The following DOCK9 variants were observed in gnomAD, a reference collection of about 807,000 sequenced individuals.
DOCK9 encodes the protein dedicator of cytokinesis protein 9.
DOCK9 carries 89 observed loss-of-function variants against 263.3 expected under a neutral mutation model. That is an observed-to-expected ratio of 0.34 (90% CI 0.28 to 0.40). DOCK9 has a LOEUF of 0.40. Among genes scored for constraint, DOCK9 ranks in the 10% least tolerant of loss-of-function variants. The pLI is 1.00. For synonymous variants in DOCK9, 976 were observed against 973.1 expected, an observed-to-expected ratio of 1.00 and a Z score of -0.06; for missense variants, 2,140 against 2,603.4, an observed-to-expected ratio of 0.82 and a Z score of 3.87.
chr13:98,908,596 A>G (rs1294096698), intron 9 of DOCK9, among the ~76,000 whole-genome samples: 1 of 152,236 alleles, frequency 6.6e-6, no homozygotes. Context: ...CATCTATGAA[A>G]TATTTTTAAG....
intron 26 of DOCK9, 50 bp from the exon 27 acceptor site, chr13:98,880,019 T>C (rs1456496524): frequency 2.1e-6 from 3 of 1,407,544 alleles, no homozygotes; most frequent in Non-Finnish European, 2.0e-6. Context: ...AACTGGTAGG[T>C]AAGACATGAA....
chr13:99,047,973 A>T (rs2040513984), intron 1 of DOCK9, among the ~76,000 whole-genome samples: 1 of 152,102 alleles, frequency 6.6e-6, no homozygotes, highest in Non-Finnish European at 1.5e-5. Context: ...AGCTCCTAGG[A>T]GTCAAATCCT....
intron 3 of DOCK9, 31 bp from the exon 4 acceptor site, chr13:98,925,950 TA>T: frequency 2.7e-6 from 4 of 1,503,080 alleles, no homozygotes; most frequent in Non-Finnish European, 2.7e-6. Flanking sequence ...AAATAGAAAA[TA>T]AAAAACAGAA....
chr13:99,079,122 G>C (rs1232011142), intron 1 of DOCK9, among the ~76,000 whole-genome samples: 3 of 152,204 alleles, frequency 2.0e-5, no homozygotes, highest in Non-Finnish European at 2.9e-5. Context: ...ATGTCCATGT[G>C]AATGCGGCCG....
chr13:98,928,428 A>C (rs1024502146), intron 3 of DOCK9, among the ~76,000 whole-genome samples: 3 of 152,232 alleles, frequency 2.0e-5, no homozygotes, highest in African/African-American at 7.2e-5. Context: ...GAAGGGTCCC[A>C]AAAGTGTTTA....
Position 98,829,721 on chromosome 13 carries a change from A to G in DOCK9, c.4671T>C (p.Val1557=), listed in dbSNP as rs1441339807. The change falls in exon 42 of 53, where the codon GTT becomes GTC. Residue 1557 remains valine, a synonymous_variant. Coordinates refer to ENST00000682017, the MANE Select transcript of DOCK9 (RefSeq NM_001366683.2). The surrounding 1 kb of genome is among the most constrained non-coding windows in gnomAD (Gnocchi z 4.1). The part of the protein sequence containing the change: ...IISVSQLIAD[V]VGIGGTRFQQ... ...GGAATCTGGTTCCCCCAATGCCAAC[A>G]ACGTCTGCTATCAGCTGGCTGACAG... The G allele has an allele frequency of 6.2e-7, 1 of 1,610,118 alleles. No homozygotes were observed. Among genetic ancestry groups the G allele is most frequent in the Admixed American group, 1.7e-5 (1 of 59,576 alleles).
intron 1 of DOCK9, among the ~76,000 whole-genome samples, chr13:99,048,221 C>T (rs963591368): frequency 1.8e-4 from 27 of 151,400 alleles, no homozygotes; most frequent in African/African-American, 4.9e-4. Flanking sequence ...TTGTTTCTGC[C>T]GGCTCAAAGC....
At chr13:99,019,242 G>T (rs1018204239) in intron 1 of DOCK9, among the ~76,000 whole-genome samples, 5 of 152,144 alleles carry the variant, frequency 3.3e-5, no homozygotes, top group Admixed American at 1.3e-4. Flanking sequence ...GAAATATGGG[G>T]TCATTGCTAG....
chr13:99,054,639 C>T (rs1239730752), intron 1 of DOCK9, among the ~76,000 whole-genome samples: 1 of 152,228 alleles, frequency 6.6e-6, no homozygotes, highest in Non-Finnish European at 1.5e-5. Flanking sequence ...ATTGCTACTG[C>T]CCTGCCTCAA....
Position 98,990,506 on chromosome 13 carries a change from C to G in DOCK9, c.130-34955G>C, listed in dbSNP as rs190005519. On this transcript the variant is annotated intron_variant, in intron 1 of 32. Coordinates refer to the DOCK9 transcript ENST00000427887. ...CCAACAACTCATTTTGAAATAACTG[C>G]AGCACATACTACTACAGCTTATAGC... 2.6e-5 allele frequency among the ~76,000 whole-genome samples: 4 copies of G among 152,288 alleles called. No individual in the cohort carries two copies. In the East Asian group the frequency reaches 7.7e-4, roughly 29 times the overall value.
At position 98,809,240 on chromosome 13, in the gene DOCK9, C is replaced by A. The variant is rs376006443; in HGVS notation, c.5367+112G>T. The A allele has an allele frequency of 2.8e-5, 34 of 1,229,886 alleles. 1 individual carries two copies. The highest frequency in any genetic ancestry group is 7.3e-5 in the Admixed American group (3 of 40,968). 76.2% of individuals were successfully genotyped at this position (1,229,886 alleles called of 1,614,324 possible). On this transcript the variant is annotated intron_variant, in intron 47 of 52. Coordinates refer to ENST00000682017, the MANE Select transcript of DOCK9 (RefSeq NM_001366683.2). ...GACAAATTCATCAAATTAGCAATTA[C>A]AGAAAACAGAGAATTTATAAGATAT...
intron 1 of DOCK9, among the ~76,000 whole-genome samples, chr13:99,052,374 C>T (rs1017089719): frequency 3.9e-5 from 6 of 152,130 alleles, no homozygotes; most frequent in African/African-American, 1.2e-4. Context: ...TCCCTGACCT[C>T]AGCTCCCCAT....
At position 98,942,064 on chromosome 13, in the gene DOCK9, A is replaced by G. The variant is rs1247908584; in HGVS notation, c.244-11807T>C. 8.5e-5 allele frequency among the ~76,000 whole-genome samples: 13 copies of G among 152,324 alleles called. No individual in the cohort carries two copies. The East Asian group carries it at 2.5e-3, about 29-fold the overall frequency. On this transcript the variant is annotated intron_variant, in intron 2 of 52. Transcript: ENST00000682017. ...GACCTGAGTTAAAACCCCTGTGGAC[A>G]TACGACTAAATCTTGGGTCCTGTCA...
chr13:99,073,015 G>A (rs936701390), intron 1 of DOCK9, among the ~76,000 whole-genome samples: 3 of 152,000 alleles, frequency 2.0e-5, no homozygotes, highest in Non-Finnish European at 4.4e-5. Flanking sequence ...AAGAATTCCA[G>A]GAATTGGCCA....
chr13:98,910,454 A>G (rs1389167836), intron 9 of DOCK9, among the ~76,000 whole-genome samples: 1 of 152,238 alleles, frequency 6.6e-6, no homozygotes, highest in Non-Finnish European at 1.5e-5. Flanking sequence ...ATGTACAAAC[A>G]TAAGCTCCAA....
At chr13:98,860,301 C>A in intron 33 of DOCK9, 104 bp downstream of exon 33, 1 of 1,514,734 alleles carries the variant, frequency 6.6e-7, no homozygotes, top group Non-Finnish European at 8.9e-7. Context: ...GCAACTTAGA[C>A]TTCAAGGTCC....
At chr13:98,921,540 C>A (rs889144293) in intron 6 of DOCK9, among the ~76,000 whole-genome samples, 2 of 152,204 alleles carry the variant, frequency 1.3e-5, no homozygotes, top group Admixed American at 6.5e-5. Context: ...CCTTGTTTCT[C>A]TTCCCTTTGT....
At chr13:98,945,617 C>G (rs992080720) in intron 2 of DOCK9, among the ~76,000 whole-genome samples, 1 of 152,224 alleles carries the variant, frequency 6.6e-6, no homozygotes, top group African/African-American at 2.4e-5. Flanking sequence ...TCACAGCCAT[C>G]CATCCTCTGC....
chr13:98,911,845 C>T (rs2050098722), intron 9 of DOCK9, among the ~76,000 whole-genome samples: 1 of 150,828 alleles, frequency 6.6e-6, no homozygotes, highest in South Asian at 2.1e-4. Context: ...TTCATATTCT[C>T]CATTCAATTC....
Sources: allele counts gnomAD v4.1 joint callset (sites outside exome capture counted in the v4.1 genomes callset), GRCh38; gene constraint gnomAD v4.1.1; non-coding constraint Gnocchi (gnomAD v3.1); transcripts MANE v1.5; gene names NCBI Gene and HGNC (gene_info 2026-07-23, HGNC 2026-07-21).